The following TRIL variants were observed in gnomAD, a reference collection of about 807,000 sequenced individuals.
The protein encoded by TRIL is TLR4 interactor with leucine rich repeats.
Under a neutral mutation model 43.0 loss-of-function variants are expected in TRIL, and 23 were observed. The observed-to-expected ratio is 0.54, with a 90% confidence interval of 0.39 to 0.76. The LOEUF is 0.76. Among genes scored for constraint, TRIL ranks in the 30% least tolerant of loss-of-function variants. TRIL has a pLI of 0.00. For missense variants in TRIL, 1,114 were observed against 1,139.3 expected (o/e 0.98, Z 0.32); for synonymous variants, 602 against 556.8 (o/e 1.08, Z -1.14).
At position 28,955,546 on chromosome 7, in the gene TRIL, G is replaced by C. The variant is rs1783383191; in HGVS notation, c.*65C>G. 6 of 1,446,150 alleles carry C rather than the reference G, an allele frequency of 4.1e-6. No individual in the cohort carries two copies. The South Asian group carries it at 8.7e-5, about 21-fold the overall frequency. The allele number at this position is 1,446,150 out of a possible 1,614,324, so 89.6% of individuals were successfully genotyped here. On this transcript the variant is annotated 3_prime_UTR_variant, in exon 1 of 1. Coordinates refer to ENST00000539664, the MANE Select transcript of TRIL (RefSeq NM_014817.4). ...CAAAACGGCACTTCCCCTGAGGTGG[G>C]CTGGTGGGCCTCACGGAGAGGCGGC...
chr7:28,958,326 G>A lies in TRIL; in HGVS notation c.-280C>T. The A allele has an allele frequency of 2.4e-6, 1 of 413,658 alleles. No individual in the cohort carries two copies. The highest frequency in any genetic ancestry group is 4.4e-6 in the Non-Finnish European group (1 of 227,980). 25.6% of individuals were successfully genotyped at this position (413,658 alleles called of 1,614,324 possible). On this transcript the variant is annotated 5_prime_UTR_variant, in exon 1 of 1. Coordinates refer to ENST00000539664, the MANE Select transcript of TRIL (RefSeq NM_014817.4). Reference sequence around the variant, plus strand: ...TGTTTCTCCGGGTGCGCGTCGGCGGGCGGGAGGAGGGAGCAAGACCCGGCG... The same window carrying A: ...TGTTTCTCCGGGTGCGCGTCGGCGGACGGGAGGAGGGAGCAAGACCCGGCG...
At position 28,958,200 on chromosome 7, in the gene TRIL, G is replaced by T; in HGVS notation, c.-154C>A. 8.6e-7 allele frequency: 1 copy of T among 1,162,718 alleles called. No homozygotes were observed. The highest frequency in any genetic ancestry group is 1.2e-6 in the Non-Finnish European group (1 of 860,624). The allele number at this position is 1,162,718 out of a possible 1,614,324, so 72.0% of individuals were successfully genotyped here. ...CCCCTCCTCCGTCCTTTGTCCGGAGGCCGGCCCGGGTCTCTGCAGGCGGGC... is the reference window on the plus strand; with the variant it reads ...CCCCTCCTCCGTCCTTTGTCCGGAGTCCGGCCCGGGTCTCTGCAGGCGGGC... On this transcript the variant is annotated 5_prime_UTR_variant, in exon 1 of 1. Coordinates refer to ENST00000539664, the MANE Select transcript of TRIL (RefSeq NM_014817.4).
chr7:28,955,822 T>A lies in TRIL; in HGVS notation c.2225A>T (p.Tyr742Phe), dbSNP rs753539382. The A allele has an allele frequency of 1.3e-6, 2 of 1,549,420 alleles. No individual in the cohort carries two copies. Among genetic ancestry groups the A allele is most frequent in the South Asian group, 2.4e-5 (2 of 83,966 alleles). ...GGAGCGCAGGGGCCGTCGGGTGGAG[T>A]ACATGTGCCGAACGTGGACCGGGGC... ...GGAPVHVRHM[Y>F]STRRPLRSMG... is the part of the protein sequence containing the mutation. The change falls in exon 1 of 1, where the codon TAC becomes TTC. Residue 742 changes from tyrosine to phenylalanine, a missense_variant. Physicochemically the swap from Tyr to Phe is conservative, Grantham distance 22. Coordinates refer to ENST00000539664, the MANE Select transcript of TRIL (RefSeq NM_014817.4).
In TRIL at chr7:28,956,598, C is replaced by A. The variant is rs753744187; in HGVS notation, c.1449G>T (p.Arg483Ser). The A allele has an allele frequency of 6.4e-7, 1 of 1,571,526 alleles. No homozygotes were observed. The highest frequency in any genetic ancestry group is 1.8e-5 in the Admixed American group (1 of 55,504). Residue 483 changes from arginine to serine, a missense_variant, in exon 1 of 1, where the codon AGG (arginine) becomes AGT (serine). By Grantham distance (110) the Arg-to-Ser change is moderately radical (BLOSUM62 -1). Coordinates refer to ENST00000539664, the MANE Select transcript of TRIL (RefSeq NM_014817.4). ...GGAGGCCCGGGCCCCGCCGACTCAG[C>A]CTTAGGGCGCTGCGGTTGCCTACCA... ...RELVGNRSAL[R>S]LSRRGPGLQQ... is the part of the protein sequence containing the mutation.
In TRIL at chr7:28,956,538, G is replaced by T. The variant is rs1178942936; in HGVS notation, c.1509C>A (p.Gly503=). 1.3e-6 allele frequency: 2 copies of T among 1,555,674 alleles called. No individual in the cohort carries two copies. The highest frequency in any genetic ancestry group is 2.3e-5 in the East Asian group (1 of 43,072). The change falls in exon 1 of 1, where the codon GGC becomes GGA. Residue 503 remains glycine (G), a synonymous_variant. Coordinates refer to ENST00000539664, the MANE Select transcript of TRIL (RefSeq NM_014817.4). ...QPSPSVAAAA[G]PAPQSLDLHK... Reference sequence around the variant, plus strand: ...GCAGGTCTAGGGACTGTGGAGCCGGGCCCGCGGCGGCAGCGACGGAGGGGC... The same window carrying T: ...GCAGGTCTAGGGACTGTGGAGCCGGTCCCGCGGCGGCAGCGACGGAGGGGC...
Position 28,956,878 on chromosome 7 carries a change from C to A in TRIL, c.1169G>T (p.Cys390Phe). Residue 390 changes from cysteine (C) to phenylalanine (F), a missense_variant, in exon 1 of 1, where the codon TGT becomes TTT. Transcript: ENST00000539664. ...QGRLLTVFVQCRHPPALRGKY... is the reference protein window; with the variant it reads ...QGRLLTVFVQFRHPPALRGKY... ...GCCTCGCAGGGCCGGGGGGTGGCGA[C>A]ACTGCACGAAGACAGTGAGGAGCCG... is the stretch of plus-strand genomic sequence containing the variant. 6.2e-7 allele frequency: 1 copy of A among 1,608,780 alleles called. No individual in the cohort carries two copies. Among genetic ancestry groups the A allele is most frequent in the Non-Finnish European group, 8.5e-7 (1 of 1,176,928 alleles).
Position 28,958,153 on chromosome 7 carries a change from C to G in TRIL, c.-107G>C, listed in dbSNP as rs975922741. ...GCCAGAGTCGCTAAATGGCCTCTTT[C>G]GGACTTCGCAGCGCCGTCCAGCCCC... On this transcript the variant is annotated 5_prime_UTR_variant, in exon 1 of 1. Transcript: ENST00000539664. 2 of 1,386,634 alleles carry G rather than the reference C, an allele frequency of 1.4e-6. No homozygotes were observed. Among genetic ancestry groups the G allele is most frequent in the African/African-American group, 1.5e-5 (1 of 66,088 alleles). The allele number at this position is 1,386,634 out of a possible 1,614,324, so 85.9% of individuals were successfully genotyped here.
rs1783353160 is a variant in TRIL at position 28,953,445 on chromosome 7, A to G, written c.*2166T>C. The G allele has an allele frequency of 6.6e-6, 1 of 152,652 alleles. No homozygotes were observed. Among genetic ancestry groups the G allele is most frequent in the Non-Finnish European group, 1.5e-5 (1 of 68,030 alleles). 9.5% of individuals were successfully genotyped at this position (152,652 alleles called of 1,614,324 possible). ...TCCCACTGAAAGACTTCCCAGTGAA[A>G]CTAAAGTAGAACACAGATCCAGGCA... On this transcript the variant is annotated 3_prime_UTR_variant, in exon 1 of 1. Coordinates refer to ENST00000539664, the MANE Select transcript of TRIL (RefSeq NM_014817.4).
rs1188171254 is a variant in TRIL at position 28,957,369 on chromosome 7, T to G, written c.678A>C (p.Ala226=). ...QPSLRHAATF[A]PLRSLSSLIL... Reference sequence around the variant, plus strand: ...TGAGGGAGGAGAGGGAGCGCAGCGGTGCGAAGGTGGCCGCGTGGCGCAGGG... The same window carrying G: ...TGAGGGAGGAGAGGGAGCGCAGCGGGGCGAAGGTGGCCGCGTGGCGCAGGG... Residue 226 remains alanine (A), a synonymous_variant, in exon 1 of 1, where the codon GCA becomes GCC. Coordinates refer to ENST00000539664, the MANE Select transcript of TRIL (RefSeq NM_014817.4). 8.7e-6 allele frequency: 14 copies of G among 1,612,742 alleles called. No homozygotes were observed. Among genetic ancestry groups the G allele is most frequent in the Non-Finnish European group, 1.2e-5 (14 of 1,179,666 alleles).
At position 28,955,713 on chromosome 7, in the gene TRIL, G is replaced by T. The variant is rs1783386258; in HGVS notation, c.2334C>A (p.Asp778Glu). The change falls in exon 1 of 1, where the codon GAC becomes GAA. Residue 778 changes from aspartate (D) to glutamate (E), a missense_variant. Asp to Glu is a conservative substitution (Grantham distance 45). Transcript: ENST00000539664. ...AGCGGTCGCAGGGGAATTCGATGAG[G>T]TCCGCCTCACTGAGCGCGCACACGG... ...RTTVCALSEA[D>E]LIEFPCDRFM... 1 of 1,550,184 alleles carries T rather than the reference G, an allele frequency of 6.5e-7. No homozygotes were observed. Among genetic ancestry groups the T allele is most frequent in the Non-Finnish European group, 8.7e-7 (1 of 1,146,930 alleles).
At position 28,955,914 on chromosome 7, in the gene TRIL, G is replaced by T; in HGVS notation, c.2133C>A (p.Leu711=). The T allele has an allele frequency of 6.4e-7, 1 of 1,552,754 alleles. No homozygotes were observed. The highest frequency in any genetic ancestry group is 2.4e-5 in the East Asian group (1 of 41,292). ...ALLTVNALLV[L]LALAAWASRW... Reference sequence around the variant, plus strand: ...GAGACGCCCAGGCCGCCAAGGCCAGGAGCACCAGCAGCGCGTTGACCGTCA... The same window carrying T: ...GAGACGCCCAGGCCGCCAAGGCCAGTAGCACCAGCAGCGCGTTGACCGTCA... The change falls in exon 1 of 1, where the codon CTC becomes CTA. Residue 711 remains leucine, a synonymous_variant. Transcript: ENST00000539664.
Position 28,955,262 on chromosome 7 carries a change from T to C in TRIL, c.*349A>G, listed in dbSNP as rs1783379560. ...CAAACAAAAAGCATGCACCCAAATA[T>C]TTCTGGCCATGTTGGGGGCACAAGC... On this transcript the variant is annotated 3_prime_UTR_variant, in exon 1 of 1. Transcript: ENST00000539664. 2 of 300,990 alleles carry C rather than the reference T, an allele frequency of 6.6e-6. No individual in the cohort carries two copies. Among genetic ancestry groups the C allele is most frequent in the Non-Finnish European group, 1.2e-5 (2 of 164,284 alleles). The allele number at this position is 300,990 out of a possible 1,614,324, so 18.6% of individuals were successfully genotyped here.
In TRIL at chr7:28,955,835, C is replaced by T. The variant is rs1783388646; in HGVS notation, c.2212G>A (p.Val738Ile). The T allele has an allele frequency of 1.9e-6, 3 of 1,549,836 alleles. No individual in the cohort carries two copies. The highest frequency in any genetic ancestry group is 2.6e-6 in the Non-Finnish European group (3 of 1,146,738). ...ARRKGGAPVH[V>I]RHMYSTRRPL... is the part of the protein sequence containing the mutation. ...CGTCGGGTGGAGTACATGTGCCGAA[C>T]GTGGACCGGGGCCCCGCCCTTCCGC... The change falls in exon 1 of 1, where the codon GTT (valine) becomes ATT (isoleucine). Residue 738 changes from valine (V) to isoleucine (I), a missense_variant. Coordinates refer to ENST00000539664, the MANE Select transcript of TRIL (RefSeq NM_014817.4).
rs937536303 is a variant in TRIL, at chr7:28,955,651, A to C, written c.2396T>G (p.Leu799Arg). Residue 799 changes from leucine to arginine, a missense_variant, in exon 1 of 1, where the codon CTG becomes CGG. By Grantham distance (102) the Leu-to-Arg change is moderately radical. Transcript: ENST00000539664. Reference sequence around the variant, plus strand: ...CTGCAGGAGACGGTCCTCCCGTCTCAGGCTGCCGCCCGCGCCGCCGCCCGC... The same window carrying C: ...CTGCAGGAGACGGTCCTCCCGTCTCCGGCTGCCGCCCGCGCCGCCGCCCGC... ...DSAGGGAGGS[L>R]RREDRLLQRF... 17 of 1,546,554 alleles carry C rather than the reference A, an allele frequency of 1.1e-5. No individual in the cohort carries two copies. Among genetic ancestry groups the C allele is most frequent in the Non-Finnish European group, 1.7e-6 (2 of 1,146,390 alleles).
Position 28,956,871 on chromosome 7 carries a change from G to T in TRIL, c.1176C>A (p.His392Gln), listed in dbSNP as rs750115667. 1.9e-6 allele frequency: 3 copies of T among 1,608,272 alleles called. No individual in the cohort carries two copies. The African/African-American group carries it at 4.0e-5, about 21-fold the overall frequency. The change falls in exon 1 of 1, where the codon CAC becomes CAA. Residue 392 changes from histidine (H) to glutamine (Q), a missense_variant. By Grantham distance (24) the His-to-Gln change is conservative (BLOSUM62 0). Coordinates refer to ENST00000539664, the MANE Select transcript of TRIL (RefSeq NM_014817.4). ...RLLTVFVQCR[H>Q]PPALRGKYLD... ...GGTATTTGCCTCGCAGGGCCGGGGGGTGGCGACACTGCACGAAGACAGTGA... is the reference window on the plus strand; with the variant it reads ...GGTATTTGCCTCGCAGGGCCGGGGGTTGGCGACACTGCACGAAGACAGTGA...
chr7:28,956,246 A>T lies in TRIL; in HGVS notation c.1801T>A (p.Ser601Thr). Residue 601 changes from serine (S) to threonine (T), a missense_variant, in exon 1 of 1, where the codon TCG (serine) becomes ACG (threonine). By Grantham distance (58) the Ser-to-Thr change is moderately conservative. Coordinates refer to ENST00000539664, the MANE Select transcript of TRIL (RefSeq NM_014817.4). Reference protein sequence around the residue: ...TVEAVGADSASVRWAVREHRS... With the variant: ...TVEAVGADSATVRWAVREHRS... Reference sequence around the variant, plus strand: ...TGCTCGCGCACGGCCCAGCGCACCGAGGCGCTGTCTGCGCCCACCGCCTCC... The same window carrying T: ...TGCTCGCGCACGGCCCAGCGCACCGTGGCGCTGTCTGCGCCCACCGCCTCC... The T allele has an allele frequency of 6.5e-7, 1 of 1,549,160 alleles. No homozygotes were observed. Among genetic ancestry groups the T allele is most frequent in the Non-Finnish European group, 8.7e-7 (1 of 1,149,908 alleles).
rs763690469 is a variant in TRIL at position 28,957,990 on chromosome 7, G to A, written c.57C>T (p.Leu19=). The change falls in exon 1 of 1, where the codon CTC becomes CTT. Residue 19 remains leucine, a synonymous_variant. Transcript: ENST00000539664. ...GGCACACGGGCTCGGCCAGCGGCGG[G>A]AGCGCGAGGCAGCCGCACACCACGA... The part of the protein sequence containing the change: ...LLLVVCGCLA[L]PPLAEPVCPE... 3.8e-6 allele frequency: 6 copies of A among 1,599,142 alleles called. No individual in the cohort carries two copies. In the Admixed American group the frequency reaches 8.4e-5, roughly 22 times the overall value.
Position 28,956,451 on chromosome 7 carries a change from T to G in TRIL, c.1596A>C (p.Pro532=). The G allele has an allele frequency of 6.5e-7, 1 of 1,545,470 alleles. No homozygotes were observed. The highest frequency in any genetic ancestry group is 8.7e-7 in the Non-Finnish European group (1 of 1,152,856). The change falls in exon 1 of 1, where the codon CCA becomes CCC. Residue 532 remains proline (P), a synonymous_variant. Coordinates refer to ENST00000539664, the MANE Select transcript of TRIL (RefSeq NM_014817.4). ...ATGGCGCAGAGCCAGGAGAGGCCGT[T>G]GGGGTGGGCTCCGCGAGGGCGGGAT... ...RADPALAEPT[P]TASPGSAPSP... is the part of the protein sequence containing the mutation.
rs1042660012 is a variant in TRIL, at chr7:28,956,395, G to C, written c.1652C>G (p.Thr551Arg). 4.6e-6 allele frequency: 7 copies of C among 1,535,334 alleles called. No homozygotes were observed. In the South Asian group the frequency reaches 6.0e-5, roughly 13 times the overall value. The change falls in exon 1 of 1, where the codon ACG (threonine) becomes AGG (arginine). Residue 551 changes from threonine (T) to arginine (R), a missense_variant. Physicochemically the swap from Thr to Arg is moderately conservative, Grantham distance 71. Transcript: ENST00000539664. ...GTGCTCCGTGCCCAGACGATGCTTC[G>C]TCGCGCGCTGCCAGGGGTCGCCGGC... Reference protein sequence around the residue: ...SPAGDPWQRATKHRLGTEHQE... With the variant: ...SPAGDPWQRARKHRLGTEHQE...
Sources: allele counts gnomAD v4.1 joint callset, GRCh38; gene constraint gnomAD v4.1.1; transcripts MANE v1.5; gene names NCBI Gene and HGNC (gene_info 2026-07-23, HGNC 2026-07-21).